Variants in LCP2 observed in about 807,000 individuals in gnomAD.
The protein encoded by LCP2 is 76 kDa tyrosine phosphoprotein.
Under a neutral mutation model 74.5 loss-of-function variants are expected in LCP2, and 29 were observed. The observed-to-expected ratio is 0.39, with a 90% CI of 0.29 to 0.53. The LOEUF (loss-of-function observed/expected upper bound fraction) is 0.53, where lower values mean the gene tolerates loss of function less well. Among genes scored for constraint, LCP2 ranks in the 20% least tolerant of loss-of-function variants. The pLI, the probability that LCP2 is intolerant of heterozygous loss-of-function variation, is 0.72. For synonymous variants in LCP2, 228 were observed against 229.5 expected (o/e 0.99, Z 0.06); for missense variants, 604 against 634.6 (o/e 0.95, Z 0.52).
intron 10 of LCP2, among the ~76,000 whole-genome samples, chr5:170,265,006 G>C (rs1272530057): frequency 2.9e-5 from 1 of 34,922 alleles, no homozygotes; most frequent in African/African-American, 1.2e-4. Flanking sequence ...TTTTTTTTTT[G>C]AGACAGAGTC....
At chr5:170,278,519 A>G (rs1315600778) in intron 3 of LCP2, among the ~76,000 whole-genome samples, 9 of 52,388 alleles carry the variant, frequency 1.7e-4, no homozygotes, top group Admixed American at 4.8e-4. Context: ...GCTGGGGGGG[A>G]TGGGAGTGCA....
At chr5:170,270,981 G>T in intron 6 of LCP2, 64 bp from the exon 7 acceptor site, 2 of 1,388,646 alleles carry the variant, frequency 1.4e-6, no homozygotes, top group Non-Finnish European at 9.8e-7. Context: ...ATGTGCCTGT[G>T]CCTACTCTCT....
chr5:170,273,228 G>C (rs1761926997), intron 6 of LCP2, among the ~76,000 whole-genome samples: 1 of 152,162 alleles, frequency 6.6e-6, no homozygotes, highest in African/African-American at 2.4e-5. Flanking sequence ...TCAGTTTACA[G>C]AGAGGATCGA....
At chr5:170,273,307 A>G (rs1362895304) in intron 6 of LCP2, among the ~76,000 whole-genome samples, 1 of 152,262 alleles carries the variant, frequency 6.6e-6, no homozygotes, top group Non-Finnish European at 1.5e-5. Context: ...GTAAACAGAA[A>G]CATTCCAGCG....
Position 170,252,580 on chromosome 5 carries a change from C to G in LCP2, c.1246-69G>C, listed in dbSNP as rs1761470079. The G allele has an allele frequency of 1.1e-5, 8 of 751,632 alleles. No individual in the cohort carries two copies. In the South Asian group the frequency reaches 1.1e-4, roughly 11 times the overall value. 46.6% of individuals were successfully genotyped at this position (751,632 alleles called of 1,614,324 possible). A position where few individuals can be genotyped will look rare whatever the true frequency, so the allele number is the denominator to read the frequency against. On this transcript the variant is annotated intron_variant, in intron 18 of 20. Coordinates refer to ENST00000046794, the MANE Select transcript of LCP2 (RefSeq NM_005565.5). ...CAGATGTAAGTGAAAAGAAAAGCCTCTGAGTAATCATTTCCATAAATCAAC... is the reference window on the plus strand; with the variant it reads ...CAGATGTAAGTGAAAAGAAAAGCCTGTGAGTAATCATTTCCATAAATCAAC...
At chr5:170,261,394 T>A (rs1387330766) in intron 13 of LCP2, among the ~76,000 whole-genome samples, 1 of 123,530 alleles carries the variant, frequency 8.1e-6, no homozygotes, top group Non-Finnish European at 1.7e-5. Context: ...TAATTATGTG[T>A]GTGTGTGTGT....
intron 2 of LCP2, among the ~76,000 whole-genome samples, chr5:170,288,410 C>A (rs1037896649): frequency 5.9e-5 from 9 of 152,238 alleles, no homozygotes; most frequent in African/African-American, 2.2e-4. Flanking sequence ...CCCTCTCAGT[C>A]TCCACAAGGT....
At chr5:170,283,216 G>A (rs1376031425) in intron 3 of LCP2, among the ~76,000 whole-genome samples, 1 of 152,080 alleles carries the variant, frequency 6.6e-6, no homozygotes, top group African/African-American at 2.4e-5. Flanking sequence ...TACATCGCAG[G>A]CCAAGCTTTT....
chr5:170,274,894 G>A (rs946465194), intron 5 of LCP2, among the ~76,000 whole-genome samples: 19 of 151,440 alleles, frequency 1.3e-4, no homozygotes, highest in Middle Eastern at 3.4e-3. Flanking sequence ...GGAGAATGGC[G>A]TGAACCCGGG....
rs901963741 is a variant in LCP2 at position 170,275,552 on chromosome 5, T to A, written c.255-201A>T. ...AAATCACCAAGCCACATCAGTGGCA[T>A]GACTGGAAGCTCATGACTGTCTGAT... is the stretch of plus-strand genomic sequence containing the variant. On this transcript the variant is annotated intron_variant, in intron 4 of 20. Transcript: ENST00000046794. 4.6e-6 allele frequency: 3 copies of A among 658,160 alleles called. No individual in the cohort carries two copies. The Admixed American group carries it at 8.3e-5, about 18-fold the overall frequency. The allele number at this position is 658,160 out of a possible 1,614,324, so 40.8% of individuals were successfully genotyped here.
chr5:170,250,646 G>A (rs540693965), intron 20 of LCP2, 84 bp downstream of exon 20: 22 of 1,069,540 alleles, frequency 2.1e-5, no homozygotes, highest in East Asian at 1.4e-4. Flanking sequence ...CATACAGCAC[G>A]GACTCTCAAA....
At chr5:170,287,019 C>A (rs1324855962) in intron 3 of LCP2, among the ~76,000 whole-genome samples, 1 of 152,070 alleles carries the variant, frequency 6.6e-6, no homozygotes, top group Non-Finnish European at 1.5e-5. Flanking sequence ...CACATGAAAC[C>A]CATATTTCTA....
At chr5:170,264,799 A>T (rs1761717355) in intron 10 of LCP2, among the ~76,000 whole-genome samples, 1 of 126,564 alleles carries the variant, frequency 7.9e-6, no homozygotes, top group Non-Finnish European at 1.7e-5. Flanking sequence ...ACCCTGACTC[A>T]AAAAAAACTA....
chr5:170,297,491 A>G (rs1333294362), intron 1 of LCP2, 43 bp downstream of exon 1: 16 of 1,549,308 alleles, frequency 1.0e-5, no homozygotes, highest in Non-Finnish European at 1.2e-5. Flanking sequence ...CAGCCCACCA[A>G]GGGCACTAGC....
chr5:170,295,165 G>A (rs1292226971), intron 1 of LCP2, among the ~76,000 whole-genome samples: 1 of 152,174 alleles, frequency 6.6e-6, no homozygotes, highest in Non-Finnish European at 1.5e-5. Flanking sequence ...ACGACCCAAG[G>A]ATGTTCTCCT....
At chr5:170,291,135 G>A (rs1762287984) in intron 2 of LCP2, among the ~76,000 whole-genome samples, 1 of 116,654 alleles carries the variant, frequency 8.6e-6, no homozygotes. Flanking sequence ...GGAGAGGGGA[G>A]GACAAGGGAA....
rs528053633 is a variant in LCP2, at chr5:170,281,503, A to C, written c.189-5643T>G. Among the ~76,000 whole-genome samples, 18 of 152,258 alleles carry C rather than the reference A, an allele frequency of 1.2e-4. No individual in the cohort carries two copies. The South Asian group carries it at 3.3e-3, about 28-fold the overall frequency. On this transcript the variant is annotated intron_variant, in intron 3 of 20. Coordinates refer to ENST00000046794, the MANE Select transcript of LCP2 (RefSeq NM_005565.5). ...CACTGTGTTAGCCAGGATGGTCTCG[A>C]TCTCCTGACCTTGTGATCCGCCCGC...
At chr5:170,268,808 A>G (rs1761825416) in intron 7 of LCP2, among the ~76,000 whole-genome samples, 1 of 76,844 alleles carries the variant, frequency 1.3e-5, no homozygotes, top group African/African-American at 5.2e-5. Context: ...GGATTTTCAG[A>G]CAATTTTGTA....
At chr5:170,287,006 T>C (rs1762193462) in intron 3 of LCP2, among the ~76,000 whole-genome samples, 1 of 152,260 alleles carries the variant, frequency 6.6e-6, no homozygotes. Context: ...AATGGAGATA[T>C]AGCACATGAA....
Sources: gnomAD v4.1 joint callset for allele counts (sites outside exome capture counted in the v4.1 genomes callset) on GRCh38, gnomAD v4.1.1 for gene constraint, MANE v1.5 for transcripts, NCBI Gene and HGNC (gene_info 2026-07-23, HGNC 2026-07-21) for gene names.